EXTL3: variants seen among roughly 807,000 people sequenced by gnomAD.
EXTL3 encodes the protein exostosin-like 3.
In EXTL3, 27 loss-of-function variants were observed where a neutral mutation model predicts 69.3. The observed-to-expected ratio is 0.39, with a 90% CI of 0.29 to 0.54. The LOEUF is 0.54. EXTL3 is among the 20% of genes least tolerant of loss of function. EXTL3 has a pLI of 0.69. For synonymous variants in EXTL3, 511 were observed against 499.4 expected, an observed-to-expected ratio of 1.02 and a Z score of -0.31; for missense variants, 1,003 against 1,231.8, an observed-to-expected ratio of 0.81 and a Z score of 2.78.
chr8:28,697,850 A>AG (rs1292224955), upstream of EXTL3: 2 of 151,954 alleles, frequency 1.3e-5, no homozygotes, highest in Non-Finnish European at 2.9e-5. Context: ...AAAAAAAAAA[A>AG]ACTACATACA....
chr8:28,683,189 C>T (rs185855138), intron 1 of EXTL3, among the ~76,000 whole-genome samples: 251 of 152,088 alleles, frequency 1.7e-3, no homozygotes, highest in African/African-American at 5.6e-3. Flanking sequence ...GAAATCAGGT[C>T]GTGATGTGTT....
chr8:28,673,754 T>C (rs994301676), intron 1 of EXTL3, among the ~76,000 whole-genome samples: 3 of 152,212 alleles, frequency 2.0e-5, no homozygotes, highest in Non-Finnish European at 4.4e-5. Flanking sequence ...GAGATATCTC[T>C]ATGTCTATCT....
At chr8:28,729,462 G>A (rs566218458) in intron 3 of EXTL3, among the ~76,000 whole-genome samples, 25 of 151,540 alleles carry the variant, frequency 1.6e-4, no homozygotes, top group Non-Finnish European at 3.4e-4. Flanking sequence ...CAGGCGTGGT[G>A]GTAGGCGCCT....
At chr8:28,726,147 G>A (rs891354992) in intron 3 of EXTL3, among the ~76,000 whole-genome samples, 1 of 151,968 alleles carries the variant, frequency 6.6e-6, no homozygotes, top group African/African-American at 2.4e-5. Context: ...GTAAAAACTG[G>A]GTTTCACTAT....
At chr8:28,685,368 C>T (rs936813575) in intron 1 of EXTL3, among the ~76,000 whole-genome samples, 4 of 151,658 alleles carry the variant, frequency 2.6e-5, no homozygotes, top group Admixed American at 1.3e-4. Context: ...TTCAGCTTCC[C>T]CTTCTTTCTT....
chr8:28,676,821 A>G (rs933128155), intron 1 of EXTL3, among the ~76,000 whole-genome samples: 1 of 152,156 alleles, frequency 6.6e-6, no homozygotes, highest in Admixed American at 6.5e-5. Context: ...GTGCCTAAGC[A>G]TCACCTGGAG....
intron 1 of EXTL3, among the ~76,000 whole-genome samples, chr8:28,645,534 A>G (rs1806814813): frequency 6.6e-6 from 1 of 152,248 alleles, no homozygotes; most frequent in Admixed American, 6.5e-5. Flanking sequence ...CAAATGTACA[A>G]CAACGACTAG....
intron 2 of EXTL3, among the ~76,000 whole-genome samples, chr8:28,612,924 A>G (rs1806290201): frequency 6.6e-6 from 1 of 152,040 alleles, no homozygotes; most frequent in African/African-American, 2.4e-5. Flanking sequence ...TTACTATGTT[A>G]CCCAGGCTGG....
chr8:28,652,425 G>A (rs1181038654), intron 1 of EXTL3, among the ~76,000 whole-genome samples: 1 of 152,066 alleles, frequency 6.6e-6, no homozygotes, highest in Admixed American at 6.6e-5. Flanking sequence ...TGGAGGCCAA[G>A]GTGGGAGGAT....
At chr8:28,745,637 C>T (rs1183798587) in intron 6 of EXTL3, among the ~76,000 whole-genome samples, 1 of 152,160 alleles carries the variant, frequency 6.6e-6, no homozygotes, top group Admixed American at 6.5e-5. Flanking sequence ...ATTTATGCCT[C>T]TCTAGTAGAC....
intron 6 of EXTL3, among the ~76,000 whole-genome samples, chr8:28,746,353 C>G (rs1384948096): frequency 2.0e-5 from 3 of 152,202 alleles, no homozygotes; most frequent in Middle Eastern, 3.4e-3. Context: ...GAAAAGTCAC[C>G]TGTAAAGTTT....
intron 1 of EXTL3, among the ~76,000 whole-genome samples, chr8:28,642,790 T>G (rs1039505691): frequency 1.3e-5 from 2 of 152,202 alleles, no homozygotes; most frequent in Non-Finnish European, 2.9e-5. Context: ...GAAATTTTAT[T>G]TTAAAAATTG....
chr8:28,695,095 A>C (rs896249105), intron 1 of EXTL3, among the ~76,000 whole-genome samples: 4 of 152,180 alleles, frequency 2.6e-5, no homozygotes, highest in African/African-American at 9.6e-5. Context: ...GGCCGGAGAC[A>C]GAAACGTATT....
At chr8:28,727,543 T>A (rs748550741) in intron 3 of EXTL3, among the ~76,000 whole-genome samples, 8 of 152,238 alleles carry the variant, frequency 5.3e-5, no homozygotes, top group Non-Finnish European at 7.3e-5. Flanking sequence ...GTAGTTTTTC[T>A]TGTTTTTCGT....
chr8:28,686,710 A>G (rs1807583656), intron 1 of EXTL3, among the ~76,000 whole-genome samples: 2 of 152,154 alleles, frequency 1.3e-5, no homozygotes, highest in African/African-American at 4.8e-5. Flanking sequence ...ACTCTAGGGC[A>G]ATTAGGAGGA....
intron 3 of EXTL3, among the ~76,000 whole-genome samples, chr8:28,724,522 C>T (rs558328498): frequency 6.7e-6 from 1 of 150,356 alleles, no homozygotes; most frequent in Admixed American, 6.6e-5. Context: ...AATCCCAGCA[C>T]TTTGGGAGGC....
At chr8:28,711,134 C>A (rs1801023082) in intron 1 of EXTL3, among the ~76,000 whole-genome samples, 1 of 152,198 alleles carries the variant, frequency 6.6e-6, no homozygotes, top group South Asian at 2.1e-4. Flanking sequence ...GTCTATTTCA[C>A]TGAAGTGTAT....
At chr8:28,695,828 T>C (rs1209298356) in intron 1 of EXTL3, among the ~76,000 whole-genome samples, 4 of 150,992 alleles carry the variant, frequency 2.6e-5, no homozygotes, top group African/African-American at 9.7e-5. Flanking sequence ...GGGGAGGAGG[T>C]GGGGAGTGTG....
upstream of EXTL3, among the ~76,000 whole-genome samples, chr8:28,619,193 T>C (rs999261923): frequency 2.2e-5 from 3 of 135,246 alleles, no homozygotes; most frequent in African/African-American, 8.2e-5. Context: ...AGACCATATG[T>C]CCTTCTCAAG....
Sources: allele counts gnomAD v4.1 joint callset (sites outside exome capture counted in the v4.1 genomes callset), GRCh38; gene constraint gnomAD v4.1.1; transcripts MANE v1.5; gene names NCBI Gene and HGNC (gene_info 2026-07-23, HGNC 2026-07-21).